TBC1D5: variants seen among roughly 807,000 people sequenced by gnomAD.
TBC1D5 encodes the protein TBC1 domain family, member 5.
A neutral mutation model predicts 100.3 loss-of-function variants in TBC1D5; 75 were observed. The ratio of observed to expected loss-of-function variants is 0.75; its 90% CI spans 0.62 to 0.91. TBC1D5 has a LOEUF of 0.91. Among genes scored for constraint, TBC1D5 ranks in the 40% least tolerant of loss-of-function variants. The pLI is 0.00. For synonymous variants in TBC1D5, 323 were observed against 325.6 expected (o/e 0.99, Z 0.09); for missense variants, 910 against 942.4 (o/e 0.97, Z 0.45).
chr3:17,668,541 AC>A (rs892815074), intron 1 of TBC1D5, among the ~76,000 whole-genome samples: 2 of 152,168 alleles, frequency 1.3e-5, no homozygotes, highest in African/African-American at 4.8e-5. Flanking sequence ...ATGGAATTTT[AC>A]TAATATAATC....
At chr3:17,655,677 C>T (rs1046306809) in intron 1 of TBC1D5, among the ~76,000 whole-genome samples, 2 of 151,932 alleles carry the variant, frequency 1.3e-5, no homozygotes, top group African/African-American at 2.4e-5. Flanking sequence ...ACTTTTTGAA[C>T]GCTGATGTGA....
chr3:17,387,358 A>G (rs903380338), intron 8 of TBC1D5, among the ~76,000 whole-genome samples: 5 of 150,460 alleles, frequency 3.3e-5, no homozygotes, highest in African/African-American at 1.2e-4. Context: ...TTCCCTAATC[A>G]GTTATAAATT....
At chr3:17,728,565 A>G (rs535998415) in intron 1 of TBC1D5, among the ~76,000 whole-genome samples, 6 of 152,340 alleles carry the variant, frequency 3.9e-5, no homozygotes, top group African/African-American at 1.4e-4. Flanking sequence ...AAGATTTCAG[A>G]GACAGATCCA....
At chr3:17,486,190 T>G (rs1294250737) in intron 3 of TBC1D5, among the ~76,000 whole-genome samples, 2 of 152,134 alleles carry the variant, frequency 1.3e-5, no homozygotes, top group Non-Finnish European at 2.9e-5. Flanking sequence ...GATGGGGTTG[T>G]TTTTTTCTTG....
intron 13 of TBC1D5, among the ~76,000 whole-genome samples, chr3:17,338,867 T>C (rs780621640): frequency 7.2e-5 from 11 of 152,182 alleles, no homozygotes; most frequent in Non-Finnish European, 1.2e-4. Context: ...TCTAAATTAG[T>C]ATACAATGAA....
chr3:17,254,377 T>G (rs1342214929), intron 16 of TBC1D5, among the ~76,000 whole-genome samples: 2 of 152,358 alleles, frequency 1.3e-5, no homozygotes, highest in East Asian at 3.9e-4. Context: ...CAACATTTGC[T>G]ACTGTCAATT....
At chr3:17,406,621 A>C (rs1380175634) in intron 4 of TBC1D5, 95 bp from the exon 5 acceptor site, 1 of 1,101,012 alleles carries the variant, frequency 9.1e-7, no homozygotes, top group Non-Finnish European at 1.3e-6. Flanking sequence ...GTAAGTCTAA[A>C]AAATGCAACT....
intron 8 of TBC1D5, among the ~76,000 whole-genome samples, chr3:17,395,151 TC>T (rs1389466210): frequency 1.3e-5 from 2 of 151,986 alleles, no homozygotes; most frequent in Admixed American, 1.3e-4. Context: ...TGGCTGCAGT[TC>T]AGGAGATGGG....
At chr3:17,312,624 T>G (rs2084168905) in intron 13 of TBC1D5, among the ~76,000 whole-genome samples, 2 of 152,176 alleles carry the variant, frequency 1.3e-5, no homozygotes, top group Admixed American at 6.6e-5. Context: ...AAAAGTCTAT[T>G]TTTGACTTTG....
chr3:17,177,791 G>A (rs189970303), intron 19 of TBC1D5, among the ~76,000 whole-genome samples: 9 of 151,870 alleles, frequency 5.9e-5, no homozygotes, highest in Admixed American at 4.6e-4. Flanking sequence ...TATATTTTTG[G>A]GTTACATCAG....
intron 18 of TBC1D5, among the ~76,000 whole-genome samples, chr3:17,185,735 C>G (rs1456429126): frequency 6.6e-6 from 1 of 151,914 alleles, no homozygotes; most frequent in East Asian, 1.9e-4. Flanking sequence ...CATAGCTCAT[C>G]ATTTTCTAGA....
chr3:17,480,310 G>A (rs1010627225), intron 3 of TBC1D5, among the ~76,000 whole-genome samples: 20 of 152,188 alleles, frequency 1.3e-4, no homozygotes, highest in Admixed American at 1.1e-3. Context: ...ACAGGCTCTC[G>A]GGCAGAAACA....
rs1216095763 is a variant in TBC1D5, at chr3:17,733,371, TG to T, written c.-101+5971del. On this transcript the variant is annotated intron_variant, in intron 1 of 21. Coordinates refer to ENST00000253692, the Ensembl canonical transcript of TBC1D5. ...TAAGGATCTTACCGGAAGAAAATCA[TG>T]AAATGTGATTTTGCACAGTCTGAGC... 8.4e-4 allele frequency among the ~76,000 whole-genome samples: 128 copies of T among 152,228 alleles called. 1 individual carries two copies. Among genetic ancestry groups the T allele is most frequent in the Non-Finnish European group, 5.9e-5 (4 of 68,044 alleles).
chr3:17,623,341 C>T (rs1459574961), intron 2 of TBC1D5, among the ~76,000 whole-genome samples: 1 of 152,102 alleles, frequency 6.6e-6, no homozygotes, highest in East Asian at 1.9e-4. Context: ...AATGTTGAGG[C>T]CCCTAACTCA....
intron 8 of TBC1D5, among the ~76,000 whole-genome samples, chr3:17,392,353 T>C (rs2093375547): frequency 6.6e-6 from 1 of 151,910 alleles, no homozygotes; most frequent in East Asian, 1.9e-4. Context: ...ACTTGCTGTG[T>C]CATGTGACCC....
chr3:17,225,234 T>A (rs1470351781), intron 17 of TBC1D5, among the ~76,000 whole-genome samples: 1 of 151,320 alleles, frequency 6.6e-6, no homozygotes, highest in East Asian at 1.9e-4. Flanking sequence ...AGGTCAGGAG[T>A]TAGAGACCAG....
At chr3:17,585,161 T>C (rs546696977) in intron 2 of TBC1D5, among the ~76,000 whole-genome samples, 1 of 152,202 alleles carries the variant, frequency 6.6e-6, no homozygotes. Flanking sequence ...AAAAATATTA[T>C]TTTTATACAT....
At chr3:17,210,010 T>C (rs999290875) in intron 18 of TBC1D5, among the ~76,000 whole-genome samples, 4 of 152,128 alleles carry the variant, frequency 2.6e-5, no homozygotes, top group Admixed American at 6.5e-5. Flanking sequence ...GTTCTCAGGC[T>C]CCTCCTCCTT....
intron 1 of TBC1D5, among the ~76,000 whole-genome samples, chr3:17,723,225 C>T (rs1205119493): frequency 6.6e-6 from 1 of 151,804 alleles, no homozygotes; most frequent in African/African-American, 2.4e-5. Flanking sequence ...GGATGGATAC[C>T]CATTCTCTAT....
Sources: gnomAD v4.1 joint callset for allele counts (sites outside exome capture counted in the v4.1 genomes callset) on GRCh38, gnomAD v4.1.1 for gene constraint, MANE v1.5 for transcripts, NCBI Gene and HGNC (gene_info 2026-07-23, HGNC 2026-07-21) for gene names.